GPC5: variants seen among roughly 807,000 people sequenced by gnomAD.
GPC5 encodes glypican 5, also known as glypican-5.
A neutral mutation model predicts 53.9 loss-of-function variants in GPC5; 47 were observed. The observed-to-expected ratio is 0.87, with a 90% CI of 0.69 to 1.11. GPC5 has a LOEUF of 1.11. Ranked by LOEUF, GPC5 falls within the 50% of genes most tolerant of loss-of-function variation. GPC5 has a pLI of 0.00. For synonymous variants in GPC5, 286 were observed against 263.3 expected (o/e 1.09, Z -0.84); for missense variants, 748 against 713.1 (o/e 1.05, Z -0.56).
chr13:91,732,573 T>G (rs1444902916), intron 4 of GPC5, among the ~76,000 whole-genome samples: 1 of 152,158 alleles, frequency 6.6e-6, no homozygotes, highest in Non-Finnish European at 1.5e-5. Flanking sequence ...TTGCTTTTGG[T>G]GTTTTTATCA....
At chr13:92,291,454 C>T (rs1037756483) in intron 7 of GPC5, among the ~76,000 whole-genome samples, 47 of 152,286 alleles carry the variant, frequency 3.1e-4, no homozygotes, top group African/African-American at 1.1e-3. Flanking sequence ...CACCAATCGA[C>T]ACTGTATCTA....
intron 2 of GPC5, among the ~76,000 whole-genome samples, chr13:91,538,836 C>T (rs111275656): frequency 1.2e-4 from 18 of 150,014 alleles, no homozygotes; most frequent in African/African-American, 2.7e-4. Context: ...CCCCGCCCCC[C>T]CCTCAGCCTC....
intron 4 of GPC5, among the ~76,000 whole-genome samples, chr13:91,752,900 G>A (rs757443523): frequency 6.6e-6 from 1 of 152,146 alleles, no homozygotes; most frequent in Non-Finnish European, 1.5e-5. Context: ...ATCTGAATCT[G>A]CATTTTGGTA....
At chr13:92,646,463 G>A (rs1024569364) in intron 7 of GPC5, among the ~76,000 whole-genome samples, 4 of 151,958 alleles carry the variant, frequency 2.6e-5, no homozygotes, top group East Asian at 1.9e-4. Context: ...AATCCTCCAC[G>A]TTTGTTCTTT....
intron 7 of GPC5, among the ~76,000 whole-genome samples, chr13:92,152,467 A>G (rs2041913888): frequency 6.6e-6 from 1 of 152,204 alleles, no homozygotes; most frequent in Non-Finnish European, 1.5e-5. Context: ...AAATAAAAGT[A>G]TTGGATAAAA....
At chr13:91,699,463 G>A (rs2035950307) in intron 3 of GPC5, among the ~76,000 whole-genome samples, 1 of 152,106 alleles carries the variant, frequency 6.6e-6, no homozygotes, top group African/African-American at 2.4e-5. Context: ...ACATTCTACA[G>A]TAACTGTTAG....
intron 7 of GPC5, among the ~76,000 whole-genome samples, chr13:92,306,838 T>C (rs76445726): frequency 0.025 from 3,801 of 152,282 alleles, 169 homozygotes; most frequent in African/African-American, 0.085. Context: ...CCACCTTTAG[T>C]TGGCAAATTA....
chr13:92,057,670 T>C (rs920468184), intron 6 of GPC5, among the ~76,000 whole-genome samples: 1 of 152,206 alleles, frequency 6.6e-6, no homozygotes, highest in Non-Finnish European at 1.5e-5. Context: ...TATCTCATCA[T>C]AGCCTGCTGA....
intron 6 of GPC5, among the ~76,000 whole-genome samples, chr13:92,101,901 G>A (rs2041470192): frequency 1.3e-5 from 2 of 152,142 alleles, no homozygotes; most frequent in Non-Finnish European, 2.9e-5. Flanking sequence ...AAATATTCAA[G>A]GCAAAATTCC....
chr13:92,197,425 T>C (rs1246908356), intron 7 of GPC5, among the ~76,000 whole-genome samples: 1 of 152,192 alleles, frequency 6.6e-6, no homozygotes, highest in Non-Finnish European at 1.5e-5. Flanking sequence ...AAAGGGAAGC[T>C]GGAAAATATG....
chr13:92,349,292 C>T (rs538870103), intron 7 of GPC5, among the ~76,000 whole-genome samples: 3 of 151,942 alleles, frequency 2.0e-5, no homozygotes, highest in Non-Finnish European at 2.9e-5. Flanking sequence ...CACAGGCATG[C>T]GCCATGACAG....
chr13:92,761,372 T>C (rs1875168470), intron 7 of GPC5, among the ~76,000 whole-genome samples: 1 of 152,220 alleles, frequency 6.6e-6, no homozygotes, highest in Admixed American at 6.5e-5. Flanking sequence ...GCATCAATGT[T>C]GGATGTATAT....
intron 3 of GPC5, among the ~76,000 whole-genome samples, chr13:91,715,414 T>C (rs1191344434): frequency 6.6e-6 from 1 of 152,250 alleles, no homozygotes; most frequent in Non-Finnish European, 1.5e-5. Context: ...GATATATTCT[T>C]GAAATACATG....
intron 7 of GPC5, among the ~76,000 whole-genome samples, chr13:92,436,515 C>G (rs1004632311): frequency 2.0e-5 from 3 of 152,164 alleles, no homozygotes; most frequent in African/African-American, 7.2e-5. Context: ...TTTCCCAATT[C>G]CATCTCTTGC....
At chr13:92,092,411 G>C (rs932060043) in intron 6 of GPC5, among the ~76,000 whole-genome samples, 1 of 152,106 alleles carries the variant, frequency 6.6e-6, no homozygotes, top group African/African-American at 2.4e-5. Context: ...ATTATGTTCT[G>C]TATGGGCAAA....
chr13:92,325,685 C>G (rs914290723), intron 7 of GPC5, among the ~76,000 whole-genome samples: 2 of 152,016 alleles, frequency 1.3e-5, no homozygotes, highest in East Asian at 3.9e-4. Context: ...AAAGAATGAG[C>G]TCTTGGTACA....
chr13:92,398,428 CAA>C (rs35873316), intron 7 of GPC5, among the ~76,000 whole-genome samples: 1,829 of 87,542 alleles, frequency 0.021, 32 homozygotes, highest in African/African-American at 0.029. Context: ...GACTCCGTCT[CAA>C]AAAAAAAAAA....
chr13:92,681,039 C>A (rs1887095403), intron 7 of GPC5, among the ~76,000 whole-genome samples: 1 of 151,926 alleles, frequency 6.6e-6, no homozygotes, highest in Admixed American at 6.6e-5. Context: ...AGTCTCCACC[C>A]TTTCCCCTGT....
rs148612622 is a variant in GPC5 at position 92,149,628 on chromosome 13, C to T, written c.1561+4639C>T. ...TGTGCACAGAGCAAAATGAAAATTA[C>T]ACTTTACTAGCCGCTGAAGAATAAG... On this transcript the variant is annotated intron_variant, in intron 7 of 7. Transcript: ENST00000377067. Among the ~76,000 whole-genome samples, 254 of 152,076 alleles carry T rather than the reference C, an allele frequency of 1.7e-3. 1 individual carries two copies. The highest frequency in any genetic ancestry group is 5.7e-3 in the African/African-American group (237 of 41,542).
Sources: allele counts gnomAD v4.1 joint callset (sites outside exome capture counted in the v4.1 genomes callset), GRCh38; gene constraint gnomAD v4.1.1; transcripts MANE v1.5; gene names NCBI Gene and HGNC (gene_info 2026-07-23, HGNC 2026-07-21).